The following CHRNB3 variants were observed in gnomAD, a reference collection of about 807,000 sequenced individuals.
CHRNB3 encodes the protein cholinergic receptor nicotinic beta 3 subunit.
CHRNB3 carries 37 observed loss-of-function variants against 40.6 expected under a neutral mutation model. That is an observed-to-expected ratio of 0.91 (90% CI 0.70 to 1.20). The LOEUF (loss-of-function observed/expected upper bound fraction) is 1.20. Ranked by LOEUF, CHRNB3 falls within the 50% of genes most tolerant of loss-of-function variation. The pLI is 0.00. For missense variants in CHRNB3, 505 were observed against 551.2 expected (o/e 0.92, Z 0.84); for synonymous variants, 207 against 207.1 (o/e 1.00, Z 0.00).
chr8:42,734,259 C>CAAAAAA (rs769371275), intron 5 of CHRNB3, among the ~76,000 whole-genome samples: 7 of 23,978 alleles, frequency 2.9e-4, no homozygotes, highest in African/African-American at 3.6e-4. Flanking sequence ...GACTCCATCT[C>CAAAAAA]AAAAAAAAAA....
intron 3 of CHRNB3, among the ~76,000 whole-genome samples, chr8:42,718,838 T>C (rs576793174): frequency 3.0e-4 from 45 of 152,012 alleles, no homozygotes; most frequent in Non-Finnish European, 6.3e-4. Context: ...AAAAGACAAT[T>C]TTAAGGGATT....
At chr8:42,730,830 T>C (rs1191873874) in intron 4 of CHRNB3, 127 bp downstream of exon 4, 23 of 455,156 alleles carry the variant, frequency 5.1e-5, no homozygotes, top group African/African-American at 1.9e-4. Flanking sequence ...GGGTGGATCA[T>C]GAGGTCAGGA....
chr8:42,703,458 A>ATATATATATATATATATG (rs1563606411), intron 1 of CHRNB3, among the ~76,000 whole-genome samples: 7 of 123,722 alleles, frequency 5.7e-5, no homozygotes, highest in African/African-American at 1.8e-4. Context: ...ATATATATAT[A>ATATATATATATATATATG]TATGTATCCA....
rs771351143 is a variant in CHRNB3 at position 42,731,938 on chromosome 8, G to A, written c.631G>A (p.Gly211Arg). The part of the protein sequence containing the change: ...WEILNAKGMK[G>R]NRRDGVYSYP... ...AATACTGAACGCAAAGGGGATGAAG[G>A]GGAACAGAAGGGACGGCGTGTACTC... The change falls in exon 5 of 6, where the codon GGG becomes AGG. Residue 211 changes from glycine to arginine, a missense_variant. Transcript: ENST00000289957. 9 of 1,614,118 alleles carry A rather than the reference G, an allele frequency of 5.6e-6. No individual in the cohort carries two copies. The highest frequency in any genetic ancestry group is 4.4e-5 in the South Asian group (4 of 91,086).
chr8:42,708,641 C>T, intron 1 of CHRNB3, 76 bp from the exon 2 acceptor site: 1 of 1,510,306 alleles, frequency 6.6e-7, no homozygotes. Flanking sequence ...AGGCCAAGGC[C>T]ACAGGAGCCA....
chr8:42,724,597 T>C (rs1316349456), intron 3 of CHRNB3, among the ~76,000 whole-genome samples: 5 of 152,080 alleles, frequency 3.3e-5, no homozygotes, highest in Non-Finnish European at 7.4e-5. Context: ...TTACCACCAT[T>C]AAACTCTAGG....
chr8:42,703,435 A>AAAAAAAAAAAAATATATATATAT, intron 1 of CHRNB3, among the ~76,000 whole-genome samples: 3 of 47,392 alleles, frequency 6.3e-5, no homozygotes, highest in Non-Finnish European at 1.4e-4. Flanking sequence ...AAAAAAAAAA[A>AAAAAAAAAAAAATATATATATAT]ATATTTATAT....
rs554642052 is a variant in CHRNB3, at chr8:42,732,459, A to T, written c.1152A>T (p.Gly384=). The T allele has an allele frequency of 1.7e-5, 27 of 1,613,722 alleles. No homozygotes were observed. In the East Asian group the frequency reaches 5.6e-4, roughly 33 times the overall value. The change falls in exon 5 of 6, where the codon GGA becomes GGT. Residue 384 remains glycine, a synonymous_variant. Coordinates refer to ENST00000289957, the MANE Select transcript of CHRNB3 (RefSeq NM_000749.5). The part of the protein sequence containing the change: ...EKKKQKQLSD[G]EKVLVAFLEK... ...AGAAACAGAAACAGCTTAGTGATGG[A>T]GAAAAAGTTCTAGTTGCTTTTTTGG...
intron 5 of CHRNB3, among the ~76,000 whole-genome samples, chr8:42,736,239 G>T (rs545722661): frequency 8.2e-4 from 125 of 152,270 alleles, no homozygotes; most frequent in Middle Eastern, 3.4e-3. Context: ...TATGCATACA[G>T]AATTCTATTG....
rs187274047 is a variant in CHRNB3 at position 42,714,271 on chromosome 8, G to A, written c.249+3837G>A. 1.3e-3 allele frequency among the ~76,000 whole-genome samples: 200 copies of A among 151,952 alleles called. 1 individual carries two copies. Among genetic ancestry groups the A allele is most frequent in the African/African-American group, 4.6e-3 (189 of 41,320 alleles). On this transcript the variant is annotated intron_variant, in intron 3 of 5. Coordinates refer to ENST00000289957, the MANE Select transcript of CHRNB3 (RefSeq NM_000749.5). ...AGCACTTTGGGAGGCTGAGGCAGGT[G>A]GATCACAAGGTCAGGAGATTGAGAC...
At chr8:42,707,508 T>C (rs1815939254) in intron 1 of CHRNB3, among the ~76,000 whole-genome samples, 1 of 152,200 alleles carries the variant, frequency 6.6e-6, no homozygotes, top group East Asian at 1.9e-4. Context: ...CACCTGTGAA[T>C]GGCCACTGCA....
chr8:42,725,688 G>C, intron 3 of CHRNB3: 1 of 942,950 alleles, frequency 1.1e-6, no homozygotes, highest in Non-Finnish European at 1.7e-6. Context: ...AGATCTCCTG[G>C]AAATGCTTCT....
At chr8:42,700,541 A>G (rs1278939678) in intron 1 of CHRNB3, among the ~76,000 whole-genome samples, 1 of 149,704 alleles carries the variant, frequency 6.7e-6, no homozygotes, top group African/African-American at 2.5e-5. Flanking sequence ...GCTGGTCTCA[A>G]ACTCCTGACC....
Position 42,732,371 on chromosome 8 carries a change from G to A in CHRNB3, c.1064G>A (p.Arg355His), listed in dbSNP as rs768410524. 9.3e-6 allele frequency: 15 copies of A among 1,611,318 alleles called. No homozygotes were observed. The Admixed American group carries it at 1.2e-4, about 13-fold the overall frequency. Residue 355 changes from arginine to histidine, a missense_variant, in exon 5 of 6, where the codon CGC becomes CAC. Transcript: ENST00000289957. ...CTTTGCATGAAAGATCATGTGGATC[G>A]CTACTCATCCCCAGAGAAAGAGGAG... ...KLLCMKDHVD[R>H]YSSPEKEESQ...
chr8:42,717,495 C>T lies in CHRNB3; in HGVS notation c.249+7061C>T, dbSNP rs144949292. ...CATCCGCAACCTGGAATGGCACTTA[C>T]AAGTTCATGAATTCATCTCAGATCT... On this transcript the variant is annotated intron_variant, in intron 3 of 5. Coordinates refer to ENST00000289957, the MANE Select transcript of CHRNB3 (RefSeq NM_000749.5). 1.3e-4 allele frequency among the ~76,000 whole-genome samples: 20 copies of T among 148,786 alleles called. 1 individual carries two copies. Among genetic ancestry groups the T allele is most frequent in the Middle Eastern group, 3.5e-3 (1 of 288 alleles).
chr8:42,701,059 C>G (rs950798171), intron 1 of CHRNB3, among the ~76,000 whole-genome samples: 1 of 151,690 alleles, frequency 6.6e-6, no homozygotes, highest in Middle Eastern at 3.2e-3. Flanking sequence ...GAAACCCCGT[C>G]TCTACTAAAA....
Position 42,728,659 on chromosome 8 carries a change from A to G in CHRNB3, c.250-1935A>G, listed in dbSNP as rs149141448. 3.5e-3 allele frequency among the ~76,000 whole-genome samples: 535 copies of G among 152,322 alleles called. 3 individuals are homozygous for G. The highest frequency in any genetic ancestry group is 0.012 in the African/African-American group (504 of 41,558). On this transcript the variant is annotated intron_variant, in intron 3 of 5. Transcript: ENST00000289957. ...CATTCTAGAAAAGCTGAAATTATAG[A>G]AACAGAACAAATCAGGGATTTCCAA...
chr8:42,717,697 CTAT>C (rs1816141461), intron 3 of CHRNB3, among the ~76,000 whole-genome samples: 1 of 151,632 alleles, frequency 6.6e-6, no homozygotes, highest in Admixed American at 6.6e-5. Context: ...GTCTCTTCAT[CTAT>C]TAAATAGAGC....
At chr8:42,703,355 C>A (rs1815852218) in intron 1 of CHRNB3, among the ~76,000 whole-genome samples, 1 of 148,354 alleles carries the variant, frequency 6.7e-6, no homozygotes, top group African/African-American at 2.4e-5. Context: ...ACCCAGGAGG[C>A]AGAGGTTGCC....
Sources: gnomAD v4.1 joint callset for allele counts (sites outside exome capture counted in the v4.1 genomes callset) on GRCh38, gnomAD v4.1.1 for gene constraint, MANE v1.5 for transcripts, NCBI Gene and HGNC (gene_info 2026-07-23, HGNC 2026-07-21) for gene names.